The following PCNX2 variants were observed in gnomAD, a reference collection of about 807,000 sequenced individuals.
PCNX2 encodes the protein pecanex 2.
In PCNX2, 168 loss-of-function variants were observed where a neutral mutation model predicts 223.8. That is an observed-to-expected ratio of 0.75 (90% CI 0.66 to 0.85). PCNX2 has a LOEUF of 0.85. Among genes scored for constraint, PCNX2 ranks in the 40% least tolerant of loss-of-function variants. PCNX2 has a pLI of 0.00. For missense variants in PCNX2, 2,507 were observed against 2,675.5 expected (o/e 0.94, Z 1.39); for synonymous variants, 1,006 against 1,052.6 (o/e 0.96, Z 0.86).
chr1:233,090,129 T>C lies in PCNX2; in HGVS notation c.4008A>G (p.Pro1336=), dbSNP rs762840866. 1.2e-6 allele frequency: 2 copies of C among 1,613,548 alleles called. No individual in the cohort carries two copies. The highest frequency in any genetic ancestry group is 1.3e-5 in the African/African-American group (1 of 74,812). The change falls in exon 23 of 34, where the codon CCA becomes CCG. Residue 1336 remains proline, a synonymous_variant. Transcript: ENST00000258229. ...ATSIFSTPLS[P]FLGSVIFITS... ...TGATGAAAATGACACTCCCAAGAAA[T>C]GGGCTCAATGGGGTAGAAAAGATTG... is the stretch of plus-strand genomic sequence containing the variant.
chr1:233,267,159 A>G (rs1013364831), intron 1 of PCNX2, among the ~76,000 whole-genome samples: 1 of 152,090 alleles, frequency 6.6e-6, no homozygotes, highest in African/African-American at 2.4e-5. Context: ...TCTACTAAAA[A>G]CACAAAAATT....
intron 17 of PCNX2, among the ~76,000 whole-genome samples, chr1:233,172,772 T>C (rs1339614349): frequency 2.6e-5 from 4 of 152,242 alleles, no homozygotes; most frequent in Admixed American, 2.0e-4. Flanking sequence ...CAGGTTTTGT[T>C]ACATTCAGGA....
At chr1:233,235,958 ATATATAT>A (rs1291126667) in intron 9 of PCNX2, among the ~76,000 whole-genome samples, 632 of 19,374 alleles carry the variant, frequency 0.033, 8 homozygotes, top group African/African-American at 0.06. Context: ...ATAAAAAAAA[ATATATAT>A]ATATATATAT....
At chr1:233,322,905 T>G in the PCNX2 span, among the ~76,000 whole-genome samples, 14 of 152,108 alleles carry the variant, frequency 9.2e-5, no homozygotes. Flanking sequence ...TTCCTGGTTC[T>G]CTCCCGTTCC....
At chr1:233,013,392 C>CTTA (rs1394038929) in intron 28 of PCNX2, among the ~76,000 whole-genome samples, 1 of 152,158 alleles carries the variant, frequency 6.6e-6, no homozygotes, top group African/African-American at 2.4e-5. Context: ...ATTCACAACT[C>CTTA]TTACTTGATG....
chr1:233,302,623 AT>A, the PCNX2 span, among the ~76,000 whole-genome samples: 2 of 143,626 alleles, frequency 1.4e-5, no homozygotes, highest in Non-Finnish European at 3.0e-5. Flanking sequence ...CTTCACCTGC[AT>A]TTTTTTGCTT....
chr1:233,030,043 C>T (rs933982318), intron 25 of PCNX2, among the ~76,000 whole-genome samples: 1 of 152,150 alleles, frequency 6.6e-6, no homozygotes, highest in Non-Finnish European at 1.5e-5. Context: ...CTATTTCACA[C>T]TTCTCCATTT....
At chr1:233,018,649 G>T in intron 26 of PCNX2, 1 of 502,330 alleles carries the variant, frequency 2.0e-6, no homozygotes, top group Non-Finnish European at 2.6e-6. Context: ...GGATCAGGGT[G>T]TGCTGCTGTG....
At chr1:233,097,410 T>C (rs530089408) in intron 21 of PCNX2, among the ~76,000 whole-genome samples, 39 of 152,086 alleles carry the variant, frequency 2.6e-4, no homozygotes, top group Middle Eastern at 3.4e-3. Context: ...TGGGGAGCTA[T>C]AAGGAAATAT....
In PCNX2 at chr1:233,188,545, C is replaced by T. The variant is rs191292160; in HGVS notation, c.3067-9370G>A. 8.2e-4 allele frequency among the ~76,000 whole-genome samples: 124 copies of T among 152,138 alleles called. No individual in the cohort carries two copies. The Middle Eastern group carries it at 0.01, about 13-fold the overall frequency. ...CAGAGTAATCTCCATTTTTTTGAGA[C>T]GGAGTCTTGCTCTGTCACCCAGGCT... On this transcript the variant is annotated intron_variant, in intron 15 of 33. Coordinates refer to ENST00000258229, the MANE Select transcript of PCNX2 (RefSeq NM_014801.4).
rs1231224564 is a variant in PCNX2, at chr1:233,000,283, C to A, written c.5328+22G>T. ...AGAGAGACACGAGCCAACAGGGGAC[C>A]CAGAAAGTGTGGCCGCCATACCTTG... is the stretch of plus-strand genomic sequence containing the variant. On this transcript the variant is annotated intron_variant, in intron 30 of 33. Coordinates refer to ENST00000258229, the MANE Select transcript of PCNX2 (RefSeq NM_014801.4). The surrounding 1 kb of genome is among the most constrained non-coding windows in gnomAD (Gnocchi z 4.6). 6.2e-7 allele frequency: 1 copy of A among 1,610,194 alleles called. No individual in the cohort carries two copies. Among genetic ancestry groups the A allele is most frequent in the African/African-American group, 1.3e-5 (1 of 74,798 alleles).
the PCNX2 span, among the ~76,000 whole-genome samples, chr1:233,309,884 A>T: frequency 5.3e-5 from 8 of 152,160 alleles, no homozygotes; most frequent in African/African-American, 9.7e-5. Flanking sequence ...TCTCAAAATT[A>T]AAAAAGAAAT....
At chr1:233,255,308 C>T (rs1659674190) in intron 5 of PCNX2, among the ~76,000 whole-genome samples, 1 of 152,200 alleles carries the variant, frequency 6.6e-6, no homozygotes, top group Non-Finnish European at 1.5e-5. Flanking sequence ...GGATGACTCA[C>T]TCCTAGTCCA....
chr1:233,090,598 G>T (rs1361352258), intron 22 of PCNX2, among the ~76,000 whole-genome samples: 2 of 152,242 alleles, frequency 1.3e-5, no homozygotes, highest in Middle Eastern at 6.8e-3. Context: ...TAATATAACT[G>T]TTTGGGAAGG....
chr1:233,179,369 T>C (rs1230760814), intron 15 of PCNX2, among the ~76,000 whole-genome samples, 194 bp from the exon 16 acceptor site: 1 of 152,212 alleles, frequency 6.6e-6, no homozygotes, highest in African/African-American at 2.4e-5. Context: ...ACATTGATTT[T>C]GATAAGGAAC....
chr1:233,252,787 A>G lies in PCNX2; in HGVS notation c.1836T>C (p.Asp612=), dbSNP rs541132654. 2 of 1,604,450 alleles carry G rather than the reference A, an allele frequency of 1.2e-6. No homozygotes were observed. The highest frequency in any genetic ancestry group is 2.7e-5 in the African/African-American group (2 of 74,470). Residue 612 remains aspartate (D), a splice_region_variant and synonymous_variant, in exon 6 of 34, where the codon GAT becomes GAC. Transcript: ENST00000258229. ...CCTCCTTTTTTTCCTGGGAACAGTTATCTGAAAAACATTGCTTTACTTGTT... is the reference window on the plus strand; with the variant it reads ...CCTCCTTTTTTTCCTGGGAACAGTTGTCTGAAAAACATTGCTTTACTTGTT... ...EQNEESGLLR[D]NCSQEKKEEI...
intron 10 of PCNX2, among the ~76,000 whole-genome samples, chr1:233,226,626 C>T (rs1558366165): frequency 6.6e-6 from 1 of 152,146 alleles, no homozygotes; most frequent in Admixed American, 6.5e-5. Context: ...ACCCAGTAAC[C>T]ACAGCTCCAA....
At chr1:233,327,082 G>T in the PCNX2 span, among the ~76,000 whole-genome samples, 20 of 152,070 alleles carry the variant, frequency 1.3e-4, no homozygotes, top group African/African-American at 4.8e-4. Flanking sequence ...CTGGCACCGC[G>T]CTACAATTTC....
intron 12 of PCNX2, among the ~76,000 whole-genome samples, chr1:233,210,175 C>G (rs1427313050): frequency 1.3e-5 from 2 of 152,188 alleles, no homozygotes; most frequent in Non-Finnish European, 2.9e-5. Context: ...AGCACTGTCA[C>G]AAAAAGCCTG....
Sources: allele counts gnomAD v4.1 joint callset (sites outside exome capture counted in the v4.1 genomes callset), GRCh38; gene constraint gnomAD v4.1.1; non-coding constraint Gnocchi (gnomAD v3.1); transcripts MANE v1.5; gene names NCBI Gene and HGNC (gene_info 2026-07-23, HGNC 2026-07-21).